Variants in AKT3 observed in about 807,000 individuals in gnomAD.
AKT3 encodes AKT serine/threonine kinase 3, also known as RAC-gamma serine/threonine-protein kinase.
A neutral mutation model predicts 65.3 loss-of-function variants in AKT3; 15 were observed. That is an observed-to-expected ratio of 0.23 (90% CI 0.15 to 0.35). The LOEUF is 0.35. AKT3 is among the 10% of genes least tolerant of loss of function. The pLI, the probability that AKT3 is intolerant of heterozygous loss-of-function variation, is 1.00. For synonymous variants in AKT3, 206 were observed against 183.8 expected (o/e 1.12, Z -0.98); for missense variants, 243 against 576.5 (o/e 0.42, Z 5.92).
chr1:243,510,387 G>A (rs374501039), intron 13 of AKT3, among the ~76,000 whole-genome samples: 12 of 152,140 alleles, frequency 7.9e-5, no homozygotes, highest in Non-Finnish European at 1.2e-4. Flanking sequence ...TGTTAGTGGC[G>A]GAAATAGACA....
intron 1 of AKT3, among the ~76,000 whole-genome samples, chr1:243,846,676 T>A (rs1695536887): frequency 6.6e-6 from 1 of 152,172 alleles, no homozygotes; most frequent in Non-Finnish European, 1.5e-5. Context: ...AAAGGTGATG[T>A]TAATGGGCCA....
intron 11 of AKT3, among the ~76,000 whole-genome samples, chr1:243,545,799 T>C (rs772894686): frequency 1.3e-5 from 2 of 151,930 alleles, no homozygotes; most frequent in Non-Finnish European, 2.9e-5. Context: ...AGTATGGTAT[T>C]TGGAAAAGAG....
intron 4 of AKT3, among the ~76,000 whole-genome samples, chr1:243,647,594 T>C (rs992921038): frequency 1.3e-5 from 2 of 152,362 alleles, no homozygotes; most frequent in East Asian, 3.9e-4. Context: ...CAATTGATTT[T>C]TGTATATTGA....
chr1:243,822,974 C>CA (rs1195610555), intron 2 of AKT3, among the ~76,000 whole-genome samples: 1 of 151,728 alleles, frequency 6.6e-6, no homozygotes, highest in African/African-American at 2.4e-5. Flanking sequence ...AGAGATGAAA[C>CA]AAAAAAAGAA....
At chr1:243,705,274 AGAT>A (rs1057450530) in intron 2 of AKT3, among the ~76,000 whole-genome samples, 1 of 152,194 alleles carries the variant, frequency 6.6e-6, no homozygotes, top group African/African-American at 2.4e-5. Context: ...GAAGCTGATG[AGAT>A]GATGAGAAAA....
rs57576796 is a variant in AKT3 at position 243,616,307 on chromosome 1, TA to T, written c.562-1147del. On this transcript the variant is annotated intron_variant, in intron 6 of 13. Coordinates refer to ENST00000673466, the MANE Select transcript of AKT3 (RefSeq NM_005465.7). ...GACTACAGGTTTAATGTGCTTTTCTTAAAAAAAAAAAAAAAAAAAAAAAAAG... is the reference window on the plus strand; with the variant it reads ...GACTACAGGTTTAATGTGCTTTTCTTAAAAAAAAAAAAAAAAAAAAAAAAG... Among the ~76,000 whole-genome samples the T allele has an allele frequency of 5.9e-3, 397 of 66,750 alleles. 1 individual carries two copies. The highest frequency in any genetic ancestry group is 0.023 in the African/African-American group (384 of 17,020). 43.8% of individuals were successfully genotyped at this position (66,750 alleles called of 152,430 possible).
chr1:243,816,297 A>T (rs1334840945), intron 2 of AKT3, among the ~76,000 whole-genome samples: 2 of 152,176 alleles, frequency 1.3e-5, no homozygotes, highest in Non-Finnish European at 2.9e-5. Flanking sequence ...ATTTTAAATC[A>T]CAACATTTGA....
At chr1:243,749,901 T>C (rs1558776632) in intron 2 of AKT3, among the ~76,000 whole-genome samples, 1 of 152,236 alleles carries the variant, frequency 6.6e-6, no homozygotes, top group African/African-American at 2.4e-5. Context: ...GTGGCCTCTT[T>C]ACAGGCCTTG....
At chr1:243,524,051 C>T (rs1036759002) in intron 12 of AKT3, among the ~76,000 whole-genome samples, 1 of 152,182 alleles carries the variant, frequency 6.6e-6, no homozygotes, top group South Asian at 2.1e-4. Flanking sequence ...GGCCTACTGC[C>T]CTAGGCTACA....
intron 2 of AKT3, among the ~76,000 whole-genome samples, chr1:243,782,053 G>T (rs543605507): frequency 6.6e-6 from 1 of 152,184 alleles, no homozygotes; most frequent in East Asian, 1.9e-4. Flanking sequence ...AAATTCCTGG[G>T]CTAAGTGATC....
chr1:243,541,086 T>G (rs1052132814), intron 12 of AKT3, among the ~76,000 whole-genome samples: 1 of 152,224 alleles, frequency 6.6e-6, no homozygotes, highest in East Asian at 1.9e-4. Context: ...CAGGGAGATA[T>G]CTTGAGAGTA....
At chr1:243,593,461 T>C (rs1305591845) in intron 8 of AKT3, among the ~76,000 whole-genome samples, 1 of 152,150 alleles carries the variant, frequency 6.6e-6, no homozygotes, top group African/African-American at 2.4e-5. Context: ...CCTAGGTGCG[T>C]GGATCACTTG....
At chr1:243,622,451 T>G (rs1283774678) in intron 6 of AKT3, among the ~76,000 whole-genome samples, 2 of 152,246 alleles carry the variant, frequency 1.3e-5, no homozygotes, top group African/African-American at 2.4e-5. Context: ...TTATGTGTAT[T>G]ATTTATTCTC....
intron 3 of AKT3, among the ~76,000 whole-genome samples, chr1:243,690,262 C>G (rs1684601843): frequency 6.6e-6 from 1 of 152,052 alleles, no homozygotes; most frequent in Non-Finnish European, 1.5e-5. Context: ...TACTCCCACT[C>G]TGGAACTGAG....
chr1:243,843,603 G>T (rs1695378731), intron 1 of AKT3: 2 of 991,930 alleles, frequency 2.0e-6, no homozygotes, highest in African/African-American at 1.7e-5. Flanking sequence ...GGAAGAGAAT[G>T]AAAGTTAATT....
At chr1:243,594,319 A>G (rs948209054) in intron 8 of AKT3, among the ~76,000 whole-genome samples, 1 of 152,236 alleles carries the variant, frequency 6.6e-6, no homozygotes, top group African/African-American at 2.4e-5. Flanking sequence ...TCTTAAATAG[A>G]TTTATGGATT....
intron 5 of AKT3, among the ~76,000 whole-genome samples, chr1:243,643,415 C>A (rs1265994030): frequency 6.6e-6 from 1 of 152,184 alleles, no homozygotes; most frequent in African/African-American, 2.4e-5. Flanking sequence ...TTATGCTATG[C>A]CCCTTCACAT....
At chr1:243,601,357 G>C (rs1266339734) in intron 8 of AKT3, among the ~76,000 whole-genome samples, 1 of 152,074 alleles carries the variant, frequency 6.6e-6, no homozygotes, top group Non-Finnish European at 1.5e-5. Flanking sequence ...AATATCATTA[G>C]TTATTTGAGA....
At chr1:243,737,917 CT>C (rs1342899602) in intron 2 of AKT3, among the ~76,000 whole-genome samples, 2 of 152,154 alleles carry the variant, frequency 1.3e-5, no homozygotes, top group Non-Finnish European at 2.9e-5. Flanking sequence ...ACTGTGGTCT[CT>C]TCCTACAAAT....
Sources: allele counts gnomAD v4.1 joint callset (sites outside exome capture counted in the v4.1 genomes callset), GRCh38; gene constraint gnomAD v4.1.1; transcripts MANE v1.5; gene names NCBI Gene and HGNC (gene_info 2026-07-23, HGNC 2026-07-21).